The following PCSK2 variants were observed in gnomAD, a reference collection of about 807,000 sequenced individuals.
PCSK2 encodes proprotein convertase subtilisin/kexin type 2.
In PCSK2, 14 loss-of-function variants were observed where a neutral mutation model predicts 69.7. That is an observed-to-expected ratio of 0.20 (90% CI 0.13 to 0.31). The LOEUF is 0.31. Among genes scored for constraint, PCSK2 ranks in the 10% least tolerant of loss-of-function variants. The pLI, the probability that PCSK2 is intolerant of heterozygous loss-of-function variation, is 1.00. For synonymous variants in PCSK2, 307 were observed against 320.7 expected, an observed-to-expected ratio of 0.96 and a Z score of 0.46; for missense variants, 544 against 842.5, an observed-to-expected ratio of 0.65 and a Z score of 4.39.
chr20:17,290,026 A>G (rs899474563), intron 2 of PCSK2, among the ~76,000 whole-genome samples: 2 of 152,248 alleles, frequency 1.3e-5, no homozygotes, highest in East Asian at 3.8e-4. Flanking sequence ...ATCTCTGTCA[A>G]GAGGGTATTA....
At chr20:17,397,728 C>T (rs1383289518) in intron 5 of PCSK2, among the ~76,000 whole-genome samples, 1 of 152,142 alleles carries the variant, frequency 6.6e-6, no homozygotes, top group Non-Finnish European at 1.5e-5. Flanking sequence ...CCACCTGCCT[C>T]GGCCTCCCAA....
intron 1 of PCSK2, among the ~76,000 whole-genome samples, chr20:17,253,247 T>C (rs1987058811): frequency 6.6e-6 from 1 of 152,230 alleles, no homozygotes; most frequent in African/African-American, 2.4e-5. Flanking sequence ...CTCTAAAAAT[T>C]TGCAATTCAG....
At chr20:17,304,608 T>G (rs1213978153) in intron 2 of PCSK2, among the ~76,000 whole-genome samples, 2 of 152,228 alleles carry the variant, frequency 1.3e-5, no homozygotes, top group African/African-American at 4.8e-5. Context: ...TTCTGTGTTG[T>G]GTAATTTCCA....
At chr20:17,450,017 C>CTTTTTTTTTTTTTTTTTTTTTTTTTTT (rs61156656) in intron 8 of PCSK2, among the ~76,000 whole-genome samples, 7 of 61,834 alleles carry the variant, frequency 1.1e-4, no homozygotes, top group Admixed American at 2.7e-4. Context: ...AATTTCTTCC[C>CTTTTTTTTTTTTTTTTTTTTTTTTTTT]TTTTTTTTTT....
intron 4 of PCSK2, among the ~76,000 whole-genome samples, chr20:17,362,303 C>A (rs755459412): frequency 2.0e-5 from 3 of 152,224 alleles, no homozygotes; most frequent in Non-Finnish European, 4.4e-5. Context: ...CCCCCAATTA[C>A]AATTCCTGGT....
chr20:17,251,103 A>G (rs1986960518), intron 1 of PCSK2, among the ~76,000 whole-genome samples: 1 of 152,138 alleles, frequency 6.6e-6, no homozygotes, highest in Non-Finnish European at 1.5e-5. Context: ...CCAAAAAATT[A>G]AAAGTAAAAA....
Position 17,465,456 on chromosome 20 carries a change from G to A in PCSK2, c.1333G>A (p.Gly445Arg). The change falls in exon 11 of 12, where the codon GGG becomes AGG. Residue 445 changes from glycine (G) to arginine (R), a missense_variant. Coordinates refer to ENST00000262545, the MANE Select transcript of PCSK2 (RefSeq NM_002594.5). ...GGAATTTAATCACCTCTTTGGCTACGGGGTCCTTGATGCAGGTGCCATGGT... is the reference window on the plus strand; with the variant it reads ...GGAATTTAATCACCTCTTTGGCTACAGGGTCCTTGATGCAGGTGCCATGGT... The part of the protein sequence containing the change: ...GLEFNHLFGY[G>R]VLDAGAMVKM... 2.5e-6 allele frequency: 4 copies of A among 1,614,044 alleles called. No individual in the cohort carries two copies. Among genetic ancestry groups the A allele is most frequent in the Non-Finnish European group, 3.4e-6 (4 of 1,179,984 alleles).
chr20:17,454,818 A>G (rs1600593518), intron 9 of PCSK2, among the ~76,000 whole-genome samples: 1 of 152,152 alleles, frequency 6.6e-6, no homozygotes, highest in African/African-American at 2.4e-5. Context: ...AATCATTAGT[A>G]CCATCCAGTG....
intron 2 of PCSK2, among the ~76,000 whole-genome samples, chr20:17,268,384 G>T (rs1317841611): frequency 2.6e-5 from 4 of 152,112 alleles, no homozygotes; most frequent in Non-Finnish European, 5.9e-5. Context: ...GGAAGAGGGA[G>T]AGCCATAGAG....
chr20:17,474,374 TG>T (rs2033256085), intron 11 of PCSK2, among the ~76,000 whole-genome samples: 1 of 152,192 alleles, frequency 6.6e-6, no homozygotes, highest in South Asian at 2.1e-4. Context: ...TAGGAAAATG[TG>T]TGATTCTTAA....
In PCSK2 at chr20:17,268,062, T is replaced by A. The variant is rs552411643; in HGVS notation, c.282+7718T>A. Among the ~76,000 whole-genome samples, 404 of 146,744 alleles carry A rather than the reference T, an allele frequency of 2.8e-3. 5 individuals are homozygous for A. The highest frequency in any genetic ancestry group is 4.1e-3 in the African/African-American group (165 of 39,948). ...ATATATATATATATATATATATATA[T>A]AATGCATTTATATAGCCTCTATTAT... On this transcript the variant is annotated intron_variant, in intron 2 of 11. Transcript: ENST00000262545.
chr20:17,481,411 A>AG lies in PCSK2; in HGVS notation c.1431-173_1431-172insG, dbSNP rs1379991893. ...GACAAAAAAAAAAAAAAAAAAAAAA[A>AG]AAAGAGATAAGTAACTTACTCAGGC... On this transcript the variant is annotated intron_variant, in intron 11 of 11. Transcript: ENST00000262545. Among the ~76,000 whole-genome samples the AG allele has an allele frequency of 7.5e-3, 808 of 108,412 alleles. 78 individuals carry two copies. Among genetic ancestry groups the AG allele is most frequent in the African/African-American group, 0.021 (459 of 21,706 alleles). 71.1% of individuals were successfully genotyped at this position (108,412 alleles called of 152,430 possible).
At chr20:17,249,315 G>T (rs1368405705) in intron 1 of PCSK2, among the ~76,000 whole-genome samples, 2 of 151,866 alleles carry the variant, frequency 1.3e-5, no homozygotes, top group South Asian at 4.2e-4. Flanking sequence ...GACCATCCTG[G>T]CTAACATGGT....
intron 5 of PCSK2, among the ~76,000 whole-genome samples, chr20:17,371,984 T>G (rs929342588): frequency 5.9e-5 from 9 of 152,178 alleles, no homozygotes; most frequent in African/African-American, 2.2e-4. Context: ...TGAGTATGTT[T>G]TCAAATATTT....
At chr20:17,254,026 T>C (rs1243323948) in intron 1 of PCSK2, among the ~76,000 whole-genome samples, 2 of 152,262 alleles carry the variant, frequency 1.3e-5, no homozygotes, top group Admixed American at 6.5e-5. Context: ...TTTGAAGAAA[T>C]GATTCCTCTA....
chr20:17,428,997 C>CAAAAAAAAAAAAAA lies in PCSK2; in HGVS notation c.621-419_621-406dup, dbSNP rs60206058. Among the ~76,000 whole-genome samples the CAAAAAAAAAAAAAA allele has an allele frequency of 4.1e-4, 15 of 36,950 alleles. 1 individual carries two copies. Among genetic ancestry groups the CAAAAAAAAAAAAAA allele is most frequent in the South Asian group, 1.5e-3 (1 of 686 alleles). 24.2% of individuals were successfully genotyped at this position (36,950 alleles called of 152,430 possible). On this transcript the variant is annotated intron_variant, in intron 6 of 11. Transcript: ENST00000262545. ...CTGGGTGACCGAGGAGACTCTGTCT[C>CAAAAAAAAAAAAAA]AAAAAAAAAAAAAAAAAAAAAAAAA...
chr20:17,473,791 T>G (rs530385762), intron 11 of PCSK2, among the ~76,000 whole-genome samples: 36 of 152,326 alleles, frequency 2.4e-4, no homozygotes, highest in African/African-American at 8.7e-4. Flanking sequence ...CCAAGTTCGC[T>G]GCCTCTGGAA....
intron 5 of PCSK2, among the ~76,000 whole-genome samples, chr20:17,375,717 T>G (rs1179786705): frequency 6.6e-6 from 1 of 152,140 alleles, no homozygotes; most frequent in African/African-American, 2.4e-5. Context: ...GTCTTCTAGC[T>G]TGGAAACTGT....
intron 2 of PCSK2, among the ~76,000 whole-genome samples, chr20:17,347,699 T>C (rs903161267): frequency 2.6e-5 from 4 of 151,734 alleles, no homozygotes; most frequent in Admixed American, 1.3e-4. Context: ...GGGAAGGCAG[T>C]GCATGTGAGG....
Sources: allele counts gnomAD v4.1 joint callset (sites outside exome capture counted in the v4.1 genomes callset), GRCh38; gene constraint gnomAD v4.1.1; transcripts MANE v1.5; gene names NCBI Gene and HGNC (gene_info 2026-07-23, HGNC 2026-07-21).